Variants in AFG2B observed in about 807,000 individuals in gnomAD.
The protein encoded by AFG2B is AAA ATPase AFG2B.
At chr15:45,416,185 G>A in the AFG2B span, among the ~76,000 whole-genome samples, 1 of 152,206 alleles carries the variant, frequency 6.6e-6, no homozygotes, top group African/African-American at 2.4e-5. Context: ...CAGCACTTTG[G>A]GAGGCCAAGG....
chr15:45,403,698 TA>T, the AFG2B span, among the ~76,000 whole-genome samples: 1 of 152,100 alleles, frequency 6.6e-6, no homozygotes, highest in Non-Finnish European at 1.5e-5. Flanking sequence ...TCAGGACCTG[TA>T]TTTCCCCAGA....
At chr15:45,403,093 T>C in the AFG2B span, 1 of 1,523,650 alleles carries the variant, frequency 6.6e-7, no homozygotes, top group Non-Finnish European at 8.8e-7. Flanking sequence ...CCCGCTCCGC[T>C]ACCCGCGCGC....
the AFG2B span, among the ~76,000 whole-genome samples, chr15:45,418,398 C>G: frequency 6.7e-6 from 1 of 150,142 alleles, no homozygotes; most frequent in Non-Finnish European, 1.5e-5. Flanking sequence ...GTTATTTTTA[C>G]CATTGTCATA....
At chr15:45,403,550 G>T in the AFG2B span, 12 of 1,587,640 alleles carry the variant, frequency 7.6e-6, no homozygotes, top group Middle Eastern at 3.3e-4. Flanking sequence ...GCCCACTGTC[G>T]GTGGAACCTC....
chr15:45,402,981 C>G, the AFG2B span: 47 of 1,593,956 alleles, frequency 2.9e-5, no homozygotes, highest in Non-Finnish European at 4.0e-5. Flanking sequence ...GTACCCGCGT[C>G]AGCCTTGGCG....
At chr15:45,418,479 C>T in the AFG2B span, 2 of 1,426,698 alleles carry the variant, frequency 1.4e-6, no homozygotes, top group South Asian at 3.0e-5. Context: ...GAAACTCAAG[C>T]TAAAAATATT....
chr15:45,415,923 G>C, the AFG2B span: 2 of 783,052 alleles, frequency 2.6e-6, no homozygotes, highest in South Asian at 2.5e-5. Flanking sequence ...TATAATTTCA[G>C]TTTGACTTTG....
At chr15:45,420,640 A>G in the AFG2B span, among the ~76,000 whole-genome samples, 18 of 152,114 alleles carry the variant, frequency 1.2e-4, no homozygotes, top group Non-Finnish European at 2.5e-4. Flanking sequence ...TTAGAATCCT[A>G]TGAAGTGAGG....
the AFG2B span, among the ~76,000 whole-genome samples, chr15:45,407,419 T>C: frequency 6.6e-6 from 1 of 152,222 alleles, no homozygotes; most frequent in Non-Finnish European, 1.5e-5. Flanking sequence ...AAGAATCAAG[T>C]AAAATAATGT....
chr15:45,416,089 C>T, the AFG2B span, among the ~76,000 whole-genome samples: 5 of 152,240 alleles, frequency 3.3e-5, no homozygotes, highest in African/African-American at 1.2e-4. Context: ...GCAGTTTATT[C>T]TTGTTTGCAT....
At chr15:45,413,332 A>G in the AFG2B span, among the ~76,000 whole-genome samples, 655 of 152,222 alleles carry the variant, frequency 4.3e-3, 7 homozygotes, top group African/African-American at 0.015. Flanking sequence ...ATTTCTTCTG[A>G]TCATCAGAAC....
At chr15:45,416,637 G>T in the AFG2B span, among the ~76,000 whole-genome samples, 2 of 152,268 alleles carry the variant, frequency 1.3e-5, no homozygotes, top group South Asian at 4.1e-4. Flanking sequence ...TATTCACCCA[G>T]CATCTGCTAA....
chr15:45,421,188 T>C, the AFG2B span: 4 of 1,606,878 alleles, frequency 2.5e-6, no homozygotes, highest in Non-Finnish European at 3.4e-6. Context: ...AAAGAAGGAT[T>C]TTCTAACGTG....
At chr15:45,419,568 T>G in the AFG2B span, among the ~76,000 whole-genome samples, 3 of 152,094 alleles carry the variant, frequency 2.0e-5, 1 homozygote, top group African/African-American at 7.2e-5. Context: ...AATATAACAT[T>G]CAGAAAAATG....
the AFG2B span, among the ~76,000 whole-genome samples, chr15:45,413,865 G>A: frequency 8.0e-4 from 122 of 152,110 alleles, 1 homozygote; most frequent in Non-Finnish European, 1.5e-3. Flanking sequence ...TTTTAGGCCC[G>A]AGTTTTTTTG....
the AFG2B span, chr15:45,403,385 G>A: frequency 1.2e-6 from 2 of 1,611,414 alleles, no homozygotes; most frequent in Non-Finnish European, 8.5e-7. Context: ...GCACCCGAGA[G>A]CCGCGTAGTG....
At chr15:45,421,030 T>G in the AFG2B span, 1 of 1,601,410 alleles carries the variant, frequency 6.2e-7, no homozygotes, top group Non-Finnish European at 8.5e-7. Context: ...TTCTATTGCT[T>G]GTCTCTTAAT....
At chr15:45,418,911 T>TG in the AFG2B span, among the ~76,000 whole-genome samples, 1 of 152,070 alleles carries the variant, frequency 6.6e-6, no homozygotes, top group African/African-American at 2.4e-5. Flanking sequence ...TGTAGTGAGT[T>TG]GCGGAAGTAG....
chr15:45,410,557 G>A, the AFG2B span: 1 of 1,578,690 alleles, frequency 6.3e-7, no homozygotes, highest in Non-Finnish European at 8.6e-7. Flanking sequence ...ACTTAATCCA[G>A]TAGGATATTA....
Sources: gnomAD v4.1 joint callset for allele counts (sites outside exome capture counted in the v4.1 genomes callset) on GRCh38, gnomAD v4.1.1 for gene constraint, MANE v1.5 for transcripts, NCBI Gene and HGNC (gene_info 2026-07-23, HGNC 2026-07-21) for gene names.